TNK2: variants seen among roughly 807,000 people sequenced by gnomAD.
TNK2 encodes the protein tyrosine kinase non receptor 2, also known as activated CDC42 kinase 1.
TNK2 carries 83 observed loss-of-function variants against 101.8 expected under a neutral mutation model. That is an observed-to-expected ratio of 0.82 (90% CI 0.68 to 0.98). TNK2 has a LOEUF of 0.98. Ranked by LOEUF, TNK2 falls within the 50% of genes least tolerant of loss-of-function variation. The pLI is 0.00. For synonymous variants in TNK2, 804 were observed against 633.0 expected (o/e 1.27, Z -4.06); for missense variants, 1,665 against 1,483.2 (o/e 1.12, Z -2.01).
intron 1 of TNK2, chr3:195,895,355 C>T: frequency 1.3e-6 from 2 of 1,558,664 alleles, no homozygotes; most frequent in Non-Finnish European, 1.7e-6. Context: ...CCGCAGCCCC[C>T]GCCCCGCAGC....
At chr3:195,889,459 G>C (rs1757473493) in intron 1 of TNK2, among the ~76,000 whole-genome samples, 1 of 152,136 alleles carries the variant, frequency 6.6e-6, no homozygotes, top group South Asian at 2.1e-4. Context: ...CAGCCACCCG[G>C]CTCCCCAGGA....
chr3:195,866,391 T>G (rs1740873484), intron 15 of TNK2, among the ~76,000 whole-genome samples: 1 of 152,134 alleles, frequency 6.6e-6, no homozygotes, highest in Non-Finnish European at 1.5e-5. Flanking sequence ...AGTAGAGACC[T>G]GGTCTCGCCA....
intron 9 of TNK2, chr3:195,876,707 A>AG (rs1224190818): frequency 4.4e-6 from 2 of 449,716 alleles, no homozygotes; most frequent in South Asian, 3.1e-5. Flanking sequence ...CACCAGCAGC[A>AG]GCCACAGGGA....
At position 195,869,327 on chromosome 3, in the gene TNK2, G is replaced by A. The variant is rs919554167; in HGVS notation, c.1588+170C>T. On this transcript the variant is annotated intron_variant, in intron 12 of 15. Coordinates refer to ENST00000672887, the MANE Select transcript of TNK2 (RefSeq NM_001382273.1). ...AGCAGAAGCCCAGGCTCCGGGGGGC[G>A]GGCTCGAGGGGGGGCAGGCATGCTA... The A allele has an allele frequency of 9.2e-5, 65 of 707,384 alleles. 1 individual carries two copies. The highest frequency in any genetic ancestry group is 4.1e-4 in the South Asian group (24 of 57,956). 43.8% of individuals were successfully genotyped at this position (707,384 alleles called of 1,614,324 possible).
chr3:195,871,681 G>A (rs974541276), intron 10 of TNK2, among the ~76,000 whole-genome samples: 14 of 152,182 alleles, frequency 9.2e-5, no homozygotes, highest in Non-Finnish European at 1.9e-4. Context: ...CCACCAAACA[G>A]GAGTCCATCC....
intron 1 of TNK2, chr3:195,896,370 C>T (rs1760509278): frequency 3.2e-6 from 1 of 314,948 alleles, no homozygotes; most frequent in Admixed American, 4.5e-5. Flanking sequence ...GAGCCAGACC[C>T]TGGAAGGTCA....
At position 195,885,449 on chromosome 3, in the gene TNK2, C is replaced by A; in HGVS notation, c.235-416G>T. On this transcript the variant is annotated intron_variant, in intron 3 of 15. Transcript: ENST00000672887. This position sits in a 1 kb window ranked among gnomAD's most constrained non-coding sequence, Gnocchi z 4.7. ...GAGCCGCAGGGGCCCTCCACAGACA[C>A]CTCCTTGTCCATTTTTAGCCCTGGC... 1 of 1,317,222 alleles carries A rather than the reference C, an allele frequency of 7.6e-7. No individual in the cohort carries two copies. The highest frequency in any genetic ancestry group is 9.9e-7 in the Non-Finnish European group (1 of 1,007,478). The allele number at this position is 1,317,222 out of a possible 1,614,324, so 81.6% of individuals were successfully genotyped here.
chr3:195,870,251 A>AGG (rs747909464), intron 10 of TNK2, 46 bp from the exon 11 acceptor site: 4 of 1,597,728 alleles, frequency 2.5e-6, no homozygotes, highest in Non-Finnish European at 3.4e-6. Context: ...AAGCGTGTGG[A>AGG]GGGGTGGCAG....
At chr3:195,866,864 G>A (rs556693648) in intron 15 of TNK2, 25 bp downstream of exon 15, 65 of 1,605,716 alleles carry the variant, frequency 4.0e-5, no homozygotes, top group African/African-American at 8.0e-5. Flanking sequence ...GGCACGGAGC[G>A]GGGCAGACTG....
Position 195,878,882 on chromosome 3 carries a change from G to A in TNK2, c.1014+167C>T, listed in dbSNP as rs575492131. Among the ~76,000 whole-genome samples the A allele has an allele frequency of 2.6e-5, 4 of 152,310 alleles. No individual in the cohort carries two copies. The highest frequency in any genetic ancestry group is 2.1e-4 in the South Asian group (1 of 4,822). On this transcript the variant is annotated intron_variant, in intron 7 of 15. Coordinates refer to ENST00000672887, the MANE Select transcript of TNK2 (RefSeq NM_001382273.1). This position sits in a 1 kb window ranked among gnomAD's most constrained non-coding sequence, Gnocchi z 4.7. ...CCCTGAGGCCATACAGATACGGGGC[G>A]TGAGAGGAGACACGGGGCGTGGTGG...
At chr3:195,895,153 G>A in intron 1 of TNK2, 1 of 1,267,568 alleles carries the variant, frequency 7.9e-7, no homozygotes, top group Non-Finnish European at 1.0e-6. Context: ...TCACTCCTGA[G>A]GCCGCCGCAG....
chr3:195,863,826 C>G lies in TNK2; in HGVS notation c.*355G>C, dbSNP rs1050367422. ...GCCTGGTTTCCTCCCAGTCTGTCAC[C>G]CAGGGCAGGGCCTGGGGGTACTACT... On this transcript the variant is annotated 3_prime_UTR_variant, in exon 16 of 16. Transcript: ENST00000672887. The G allele has an allele frequency of 3.6e-6, 1 of 273,982 alleles. No homozygotes were observed. Among genetic ancestry groups the G allele is most frequent in the Admixed American group, 5.1e-5 (1 of 19,776 alleles). The allele number at this position is 273,982 out of a possible 1,614,324, so 17.0% of individuals were successfully genotyped here. A position where few individuals can be genotyped will look rare whatever the true frequency, so the allele number is the denominator to read the frequency against.
intron 10 of TNK2, 163 bp from the exon 11 acceptor site, chr3:195,870,368 T>C: frequency 1.3e-6 from 2 of 1,487,372 alleles, no homozygotes; most frequent in Non-Finnish European, 9.0e-7. Context: ...ACGTCTCAGC[T>C]GGGGGGTGTC....
At chr3:195,895,140 C>G (rs1223249225) in intron 1 of TNK2, 4 of 1,108,422 alleles carry the variant, frequency 3.6e-6, no homozygotes, top group Non-Finnish European at 4.9e-6. Flanking sequence ...GGAGCAGACA[C>G]TCTCACTCCT....
At position 195,885,447 on chromosome 3, in the gene TNK2, C is replaced by T; in HGVS notation, c.235-414G>A. The T allele has an allele frequency of 1.5e-6, 2 of 1,319,538 alleles. No individual in the cohort carries two copies. The highest frequency in any genetic ancestry group is 2.0e-6 in the Non-Finnish European group (2 of 1,008,986). 81.7% of individuals were successfully genotyped at this position (1,319,538 alleles called of 1,614,324 possible). The stretch of plus-strand genomic sequence containing the variant: ...TGGAGCCGCAGGGGCCCTCCACAGA[C>T]ACCTCCTTGTCCATTTTTAGCCCTG... On this transcript the variant is annotated intron_variant, in intron 3 of 15. Coordinates refer to ENST00000672887, the MANE Select transcript of TNK2 (RefSeq NM_001382273.1). The surrounding 1 kb of genome is among the most constrained non-coding windows in gnomAD (Gnocchi z 4.7).
chr3:195,889,135 C>T (rs1757354924), intron 1 of TNK2, among the ~76,000 whole-genome samples: 1 of 151,700 alleles, frequency 6.6e-6, no homozygotes, highest in African/African-American at 2.4e-5. Flanking sequence ...CCAGCCTCTC[C>T]TAACAATCCA....
intron 12 of TNK2, chr3:195,868,947 C>T (rs934867117): frequency 2.7e-5 from 15 of 555,898 alleles, no homozygotes; most frequent in African/African-American, 9.9e-5. Flanking sequence ...AGCCCCGCCT[C>T]GCTCCGTCTA....
At position 195,878,922 on chromosome 3, in the gene TNK2, G is replaced by A. The variant is rs1026826869; in HGVS notation, c.1014+127C>T. 3.9e-5 allele frequency: 56 copies of A among 1,427,294 alleles called. No homozygotes were observed. The highest frequency in any genetic ancestry group is 5.0e-5 in the Non-Finnish European group (52 of 1,050,042). 88.4% of individuals were successfully genotyped at this position (1,427,294 alleles called of 1,614,324 possible). A position where few individuals can be genotyped will look rare whatever the true frequency, so the allele number is the denominator to read the frequency against. ...GGGCGTGGTGGGAGGCACGGGAAGTGGGGGGAGGCACGGGGCGTGGGAGGA... is the reference window on the plus strand; with the variant it reads ...GGGCGTGGTGGGAGGCACGGGAAGTAGGGGGAGGCACGGGGCGTGGGAGGA... On this transcript the variant is annotated intron_variant, in intron 7 of 15. Transcript: ENST00000672887. This position sits in a 1 kb window ranked among gnomAD's most constrained non-coding sequence, Gnocchi z 4.7.
rs113363119 is a variant in TNK2, at chr3:195,865,702, C to T, written c.3161+1187G>A. 8.5e-4 allele frequency among the ~76,000 whole-genome samples: 128 copies of T among 151,416 alleles called. 2 individuals carry two copies. Among genetic ancestry groups the T allele is most frequent in the African/African-American group, 3.0e-3 (122 of 41,178 alleles). ...AGGTGCAAATCAGTTAAGAACGACC[C>T]GAGACAGTATGGGACAGACAGGTGA... On this transcript the variant is annotated intron_variant, in intron 15 of 15. Transcript: ENST00000672887.
Sources: allele counts gnomAD v4.1 joint callset (sites outside exome capture counted in the v4.1 genomes callset), GRCh38; gene constraint gnomAD v4.1.1; non-coding constraint Gnocchi (gnomAD v3.1); transcripts MANE v1.5; gene names NCBI Gene and HGNC (gene_info 2026-07-23, HGNC 2026-07-21).